BCL2: variants seen among roughly 807,000 people sequenced by gnomAD.
BCL2 encodes apoptosis regulator Bcl-2.
BCL2 carries 1 observed loss-of-function variant against 14.2 expected under a neutral mutation model. The observed-to-expected ratio is 0.07, with a 90% CI of 0.02 to 0.33. The LOEUF (loss-of-function observed/expected upper bound fraction) is 0.33. BCL2 is among the 10% of genes least tolerant of loss of function. The pLI is 0.99. For missense variants in BCL2, 247 were observed against 305.9 expected, an observed-to-expected ratio of 0.81 and a Z score of 1.44; for synonymous variants, 151 against 137.2, an observed-to-expected ratio of 1.10 and a Z score of -0.70.
intron 2 of BCL2, among the ~76,000 whole-genome samples, chr18:63,160,584 T>A (rs944301862): frequency 2.0e-5 from 3 of 151,886 alleles, no homozygotes; most frequent in Non-Finnish European, 4.4e-5. Context: ...CCAGGCAAAT[T>A]AGAGATTTTC....
intron 2 of BCL2, among the ~76,000 whole-genome samples, chr18:63,269,844 G>A (rs1911952490): frequency 6.6e-6 from 1 of 152,096 alleles, no homozygotes; most frequent in African/African-American, 2.4e-5. Flanking sequence ...AACATTTGCA[G>A]CATATTTACT....
chr18:63,125,339 C>T lies in BCL2; in HGVS notation c.*3286G>A, dbSNP rs544557307. The T allele has an allele frequency of 4.4e-6, 1 of 225,628 alleles. No homozygotes were observed. Among genetic ancestry groups the T allele is most frequent in the Non-Finnish European group, 8.8e-6 (1 of 113,040 alleles). 14.0% of individuals were successfully genotyped at this position (225,628 alleles called of 1,614,324 possible). ...ATCTTAAGCCTGCCAGAGTTTTCTG[C>T]CCCTGCCAAATCTTCGGAGACGACC... is the stretch of plus-strand genomic sequence containing the variant. On this transcript the variant is annotated 3_prime_UTR_variant, in exon 3 of 3. Transcript: ENST00000333681.
At chr18:63,197,323 C>T (rs991090098) in intron 2 of BCL2, among the ~76,000 whole-genome samples, 2 of 152,204 alleles carry the variant, frequency 1.3e-5, no homozygotes, top group Non-Finnish European at 2.9e-5. Flanking sequence ...AGCAAATGCT[C>T]GTACCTGCTA....
intron 2 of BCL2, among the ~76,000 whole-genome samples, chr18:63,175,353 CATCT>C (rs1227146689): frequency 6.6e-6 from 1 of 152,134 alleles, no homozygotes; most frequent in African/African-American, 2.4e-5. Context: ...ATTAGCTAAC[CATCT>C]GTTGTACTGC....
chr18:63,279,600 T>C (rs1379402939), intron 2 of BCL2, among the ~76,000 whole-genome samples: 1 of 152,238 alleles, frequency 6.6e-6, no homozygotes, highest in African/African-American at 2.4e-5. Flanking sequence ...ATTTGGTGTG[T>C]TCCCAATAGA....
chr18:63,156,089 A>AAAAG (rs1178741367), intron 2 of BCL2, among the ~76,000 whole-genome samples: 1 of 145,638 alleles, frequency 6.9e-6, no homozygotes, highest in Non-Finnish European at 1.5e-5. Flanking sequence ...TGAGAAGCCA[A>AAAAG]AAAAAAAAAA....
chr18:63,281,385 C>T (rs1912303763), intron 2 of BCL2, among the ~76,000 whole-genome samples: 1 of 152,038 alleles, frequency 6.6e-6, no homozygotes, highest in Non-Finnish European at 1.5e-5. Context: ...TAACAATAGG[C>T]CAAGCGTGAT....
At chr18:63,267,799 C>T (rs1911876595) in intron 2 of BCL2, among the ~76,000 whole-genome samples, 1 of 152,158 alleles carries the variant, frequency 6.6e-6, no homozygotes, top group African/African-American at 2.4e-5. Flanking sequence ...AGGTATGCTA[C>T]CTGTAATGCA....
intron 2 of BCL2, among the ~76,000 whole-genome samples, chr18:63,246,850 A>G (rs960951359): frequency 6.6e-6 from 1 of 152,254 alleles, no homozygotes; most frequent in African/African-American, 2.4e-5. Context: ...GAAATGAATG[A>G]AACATTCCTA....
At chr18:63,165,702 A>C (rs987531464) in intron 2 of BCL2, among the ~76,000 whole-genome samples, 3 of 152,222 alleles carry the variant, frequency 2.0e-5, no homozygotes, top group African/African-American at 7.2e-5. Context: ...ACATTTACAA[A>C]GGGATGCAAA....
At chr18:63,174,081 CA>C (rs1157210222) in intron 2 of BCL2, among the ~76,000 whole-genome samples, 3 of 152,138 alleles carry the variant, frequency 2.0e-5, no homozygotes, top group Non-Finnish European at 4.4e-5. Flanking sequence ...AAAGGATGCA[CA>C]CACACATCTA....
At chr18:63,282,888 A>T (rs1912355387) in intron 2 of BCL2, among the ~76,000 whole-genome samples, 1 of 152,172 alleles carries the variant, frequency 6.6e-6, no homozygotes, top group Non-Finnish European at 1.5e-5. Context: ...ACATTCAGTG[A>T]TTCCATTCCA....
At chr18:63,202,283 T>G (rs1034781645) in intron 2 of BCL2, among the ~76,000 whole-genome samples, 1 of 152,204 alleles carries the variant, frequency 6.6e-6, no homozygotes, top group Non-Finnish European at 1.5e-5. Context: ...CACTCCAGCC[T>G]GGGCGACAGA....
At chr18:63,182,391 G>A (rs1424775994) in intron 2 of BCL2, among the ~76,000 whole-genome samples, 1 of 152,200 alleles carries the variant, frequency 6.6e-6, no homozygotes, top group Admixed American at 6.5e-5. Flanking sequence ...TGGTCCCAGT[G>A]CCAGTCCAGC....
chr18:63,292,054 A>G (rs774919181), intron 2 of BCL2, among the ~76,000 whole-genome samples: 31 of 152,160 alleles, frequency 2.0e-4, no homozygotes, highest in South Asian at 6.2e-4. Flanking sequence ...GACAGTGAAG[A>G]GAGTCCAGGT....
At chr18:63,249,300 G>A (rs926428422) in intron 2 of BCL2, among the ~76,000 whole-genome samples, 2 of 151,454 alleles carry the variant, frequency 1.3e-5, no homozygotes, top group African/African-American at 4.9e-5. Flanking sequence ...ATTGTGATCA[G>A]TCCTGTCCAT....
At position 63,124,397 on chromosome 18, in the gene BCL2, A is replaced by C. The variant is rs1913855561; in HGVS notation, c.*4228T>G. The C allele has an allele frequency of 4.3e-6, 1 of 231,476 alleles. No homozygotes were observed. Among genetic ancestry groups the C allele is most frequent in the Non-Finnish European group, 8.6e-6 (1 of 116,850 alleles). 14.3% of individuals were successfully genotyped at this position (231,476 alleles called of 1,614,324 possible). A position where few individuals can be genotyped will look rare whatever the true frequency, so the allele number is the denominator to read the frequency against. On this transcript the variant is annotated 3_prime_UTR_variant, in exon 3 of 3. Coordinates refer to ENST00000333681, the MANE Select transcript of BCL2 (RefSeq NM_000633.3). The stretch of plus-strand genomic sequence containing the variant: ...CCATTGCACTGCCAAACGGAGCTGC[A>C]CTTTGAGCCATGCTGATGTCTCTGG...
intron 2 of BCL2, among the ~76,000 whole-genome samples, chr18:63,270,677 T>C (rs781416110): frequency 3.1e-4 from 47 of 152,190 alleles, no homozygotes; most frequent in Non-Finnish European, 5.4e-4. Context: ...AAGAAATCAC[T>C]GCATACCTTT....
intron 2 of BCL2, among the ~76,000 whole-genome samples, chr18:63,171,394 G>A (rs369382674): frequency 1.3e-5 from 2 of 152,220 alleles, no homozygotes; most frequent in South Asian, 2.1e-4. Flanking sequence ...ATTCACTGCT[G>A]GAGTGAGGGA....
Sources: gnomAD v4.1 joint callset for allele counts (sites outside exome capture counted in the v4.1 genomes callset) on GRCh38, gnomAD v4.1.1 for gene constraint, MANE v1.5 for transcripts, NCBI Gene and HGNC (gene_info 2026-07-23, HGNC 2026-07-21) for gene names.